MOCOS: variants seen among roughly 807,000 people sequenced by gnomAD.
MOCOS encodes human molybdenum cofactor sulfurase.
Under a neutral mutation model 83.6 loss-of-function variants are expected in MOCOS, and 86 were observed. The ratio of observed to expected loss-of-function variants is 1.03; its 90% CI spans 0.86 to 1.23. The LOEUF is 1.23. Ranked by LOEUF, MOCOS falls within the 50% of genes most tolerant of loss-of-function variation. The probability of loss-of-function intolerance (pLI) is 0.00; values close to 1 mark genes in which losing one functional copy is unlikely to be tolerated. For missense variants in MOCOS, 1,120 were observed against 1,126.9 expected (o/e 0.99, Z 0.09); for synonymous variants, 445 against 434.7 (o/e 1.02, Z -0.29).
Position 36,200,318 on chromosome 18 carries a change from C to T in MOCOS, c.935C>T (p.Ala312Val). 6.2e-7 allele frequency: 1 copy of T among 1,614,014 alleles called. No individual in the cohort carries two copies. Among genetic ancestry groups the T allele is most frequent in the Non-Finnish European group, 8.5e-7 (1 of 1,180,026 alleles). ...EDFYIPRQSV[A>V]QRFEDGTISF... ...TTCTACATCCCGAGGCAGTCGGTAG[C>T]TCAGAGGTAACCTTGCCACAGGGGA... The change falls in exon 4 of 15, where the codon GCT becomes GTT. Residue 312 changes from alanine to valine, a missense_variant. Ala to Val is a moderately conservative substitution (Grantham distance 64). Coordinates refer to ENST00000261326, the MANE Select transcript of MOCOS (RefSeq NM_017947.4).
At chr18:36,260,229 A>G in intron 13 of MOCOS, 54 bp downstream of exon 13, 1 of 1,611,222 alleles carries the variant, frequency 6.2e-7, no homozygotes, top group South Asian at 1.1e-5. Context: ...ATGAAGATTG[A>G]CCTCAATCCC....
At chr18:36,215,280 T>C (rs1043562576) in intron 7 of MOCOS, among the ~76,000 whole-genome samples, 6 of 152,194 alleles carry the variant, frequency 3.9e-5, no homozygotes, top group African/African-American at 1.4e-4. Flanking sequence ...AAACTTTTAA[T>C]GGCCCCTTGA....
chr18:36,253,222 G>T (rs1177392370), intron 11 of MOCOS, among the ~76,000 whole-genome samples: 1 of 152,168 alleles, frequency 6.6e-6, no homozygotes, highest in Non-Finnish European at 1.5e-5. Flanking sequence ...TGGTCCTTTG[G>T]AGTCTCCGTT....
At chr18:36,244,512 A>C (rs747744334) in intron 9 of MOCOS, among the ~76,000 whole-genome samples, 3 of 152,234 alleles carry the variant, frequency 2.0e-5, no homozygotes, top group Middle Eastern at 6.8e-3. Context: ...CAATTTTCTT[A>C]AATGTATTGA....
Position 36,200,400 on chromosome 18 carries a change from C to T in MOCOS, c.941+76C>T, listed in dbSNP as rs1334682328. On this transcript the variant is annotated intron_variant, in intron 4 of 14. Coordinates refer to ENST00000261326, the MANE Select transcript of MOCOS (RefSeq NM_017947.4). ...GGCCTGTTTCTCCTGGAGGATTATG[C>T]AAGAGGTGGGTCTGGCTTTGAGGGT... 10 of 1,566,076 alleles carry T rather than the reference C, an allele frequency of 6.4e-6. No homozygotes were observed. The Admixed American group carries it at 1.8e-4, about 28-fold the overall frequency.
At chr18:36,241,974 C>G (rs1210615511) in intron 9 of MOCOS, among the ~76,000 whole-genome samples, 1 of 152,318 alleles carries the variant, frequency 6.6e-6, no homozygotes, top group Middle Eastern at 3.4e-3. Flanking sequence ...GCCTGACCCG[C>G]GAAGCCATTT....
In MOCOS at chr18:36,248,956, T is replaced by G. The variant is rs1395209037; in HGVS notation, c.1995T>G (p.Asn665Lys). The change falls in exon 10 of 15, where the codon AAT becomes AAG. Residue 665 changes from asparagine (N) to lysine (K), a missense_variant. Asn to Lys is a moderately conservative substitution (Grantham distance 94). Transcript: ENST00000261326. ...CTATAGAGGTGCCTCTTGAGGAAAA[T>G]AGTGAACGGACTCAGATTCGCCAAA... is the stretch of plus-strand genomic sequence containing the variant. ...MEPIEVPLEE[N>K]SERTQIRQSR... is the part of the protein sequence containing the mutation. 6.2e-7 allele frequency: 1 copy of G among 1,614,108 alleles called. No homozygotes were observed. Among genetic ancestry groups the G allele is most frequent in the South Asian group, 1.1e-5 (1 of 91,066 alleles).
At chr18:36,210,213 A>G (rs1006065905) in intron 6 of MOCOS, among the ~76,000 whole-genome samples, 4 of 152,188 alleles carry the variant, frequency 2.6e-5, no homozygotes, top group Non-Finnish European at 4.4e-5. Flanking sequence ...AACAAAATTC[A>G]TTTCCCAAGG....
At chr18:36,260,317 A>G in intron 13 of MOCOS, 142 bp downstream of exon 13, 1 of 1,095,272 alleles carries the variant, frequency 9.1e-7, no homozygotes, top group South Asian at 1.4e-5. Flanking sequence ...AGGTTATGTA[A>G]GCTTAGCCTT....
intron 9 of MOCOS, among the ~76,000 whole-genome samples, chr18:36,245,993 T>C (rs1434666550): frequency 6.6e-6 from 1 of 152,200 alleles, no homozygotes; most frequent in East Asian, 1.9e-4. Flanking sequence ...CTTTTCTTTA[T>C]GATATCTATT....
chr18:36,201,207 G>A (rs368788043), intron 4 of MOCOS, among the ~76,000 whole-genome samples: 17 of 152,180 alleles, frequency 1.1e-4, no homozygotes, highest in African/African-American at 3.9e-4. Context: ...CCACACAGAC[G>A]CAAGGGTCCT....
At chr18:36,219,198 T>TA (rs1326187596) in intron 8 of MOCOS, among the ~76,000 whole-genome samples, 1 of 150,988 alleles carries the variant, frequency 6.6e-6, no homozygotes, top group African/African-American at 2.4e-5. Context: ...ATTTTATTTT[T>TA]TTTTTTGACA....
At chr18:36,225,289 C>T (rs1175446859) in intron 9 of MOCOS, among the ~76,000 whole-genome samples, 3 of 152,136 alleles carry the variant, frequency 2.0e-5, no homozygotes, top group South Asian at 4.2e-4. Flanking sequence ...GTAGCTGGGA[C>T]TACAGGTGCG....
intron 6 of MOCOS, among the ~76,000 whole-genome samples, chr18:36,210,880 A>AAAAAAAAAAAAAAAAAAAAT (rs2091453118): frequency 1.5e-5 from 2 of 136,584 alleles, no homozygotes; most frequent in African/African-American, 2.7e-5. Flanking sequence ...AAAAAAAAAA[A>AAAAAAAAAAAAAAAAAAAAT]GTAACTGTGT....
At chr18:36,225,829 C>T (rs1489493045) in intron 9 of MOCOS, among the ~76,000 whole-genome samples, 1 of 151,708 alleles carries the variant, frequency 6.6e-6, no homozygotes, top group East Asian at 1.9e-4. Flanking sequence ...TTCATTTCCA[C>T]ATATTTGTGA....
intron 9 of MOCOS, among the ~76,000 whole-genome samples, chr18:36,238,074 C>CA (rs2091566351): frequency 1.3e-5 from 2 of 149,494 alleles, no homozygotes; most frequent in East Asian, 3.9e-4. Flanking sequence ...TTGATCCTTT[C>CA]AAAAAACCAG....
intron 12 of MOCOS, among the ~76,000 whole-genome samples, chr18:36,259,529 C>T (rs1376033534): frequency 4.4e-5 from 6 of 137,778 alleles, no homozygotes; most frequent in Admixed American, 1.5e-4. Flanking sequence ...ATACTATCTT[C>T]TTTATTTATA....
At chr18:36,263,635 G>A (rs560453511) in intron 13 of MOCOS, among the ~76,000 whole-genome samples, 1 of 152,268 alleles carries the variant, frequency 6.6e-6, no homozygotes, top group East Asian at 1.9e-4. Flanking sequence ...TCCTAGGATG[G>A]CCGGGGACAA....
At chr18:36,187,702 TG>T in intron 1 of MOCOS, 21 bp downstream of exon 1, 1 of 1,260,480 alleles carries the variant, frequency 7.9e-7, no homozygotes, top group Non-Finnish European at 1.0e-6. Context: ...CGGGCAGGCT[TG>T]GGGGACACGA....
Sources: allele counts gnomAD v4.1 joint callset (sites outside exome capture counted in the v4.1 genomes callset), GRCh38; gene constraint gnomAD v4.1.1; transcripts MANE v1.5; gene names NCBI Gene and HGNC (gene_info 2026-07-23, HGNC 2026-07-21).